DAPK2: variants seen among roughly 807,000 people sequenced by gnomAD.
DAPK2 encodes death associated protein kinase 2.
Under a neutral mutation model 44.1 loss-of-function variants are expected in DAPK2, and 35 were observed. The ratio of observed to expected loss-of-function variants is 0.79; its 90% confidence interval spans 0.61 to 1.05. The LOEUF is 1.05. Ranked by LOEUF, DAPK2 falls within the 50% of genes least tolerant of loss-of-function variation. The probability of loss-of-function intolerance (pLI) is 0.00; values close to 1 mark genes in which losing one functional copy is unlikely to be tolerated. For synonymous variants in DAPK2, 174 were observed against 182.6 expected, an observed-to-expected ratio of 0.95 and a Z score of 0.38; for missense variants, 453 against 483.2, an observed-to-expected ratio of 0.94 and a Z score of 0.59.
chr15:64,005,023 C>T (rs976527409), intron 1 of DAPK2, among the ~76,000 whole-genome samples: 6 of 152,212 alleles, frequency 3.9e-5, no homozygotes, highest in Admixed American at 6.5e-5. Context: ...TGAAAGGTGA[C>T]TAGCCGAGAG....
chr15:63,917,338 G>A lies in DAPK2; in HGVS notation c.859-5141C>T, dbSNP rs562665715. ...AGATCGCGCCATTGCACTCCAGCCT[G>A]GGCAACGAGAGTGAAACTCTGTCTC... On this transcript the variant is annotated intron_variant, in intron 8 of 10. Transcript: ENST00000261891. The surrounding 1 kb of genome is among the most constrained non-coding windows in gnomAD (Gnocchi z 4.4). 81 of 151,118 alleles carry A rather than the reference G, an allele frequency of 5.4e-4. No individual in the cohort carries two copies. The highest frequency in any genetic ancestry group is 1.9e-3 in the African/African-American group (79 of 41,196). The allele number at this position is 151,118 out of a possible 1,614,324, so 9.4% of individuals were successfully genotyped here. A position where few individuals can be genotyped will look rare whatever the true frequency, so the allele number is the denominator to read the frequency against.
At chr15:63,958,759 T>C (rs2140605623) in intron 3 of DAPK2, among the ~76,000 whole-genome samples, 1 of 152,308 alleles carries the variant, frequency 6.6e-6, no homozygotes, top group South Asian at 2.1e-4. Context: ...TACTGTAGCA[T>C]TGTAGTATAG....
intron 3 of DAPK2, among the ~76,000 whole-genome samples, chr15:63,959,998 T>G (rs2077842908): frequency 6.6e-6 from 1 of 152,208 alleles, no homozygotes; most frequent in African/African-American, 2.4e-5. Context: ...CATTTTTTGG[T>G]TGGTAGGCTA....
chr15:64,028,037 T>TCTATCTATCTATCTAC (rs2079901541), intron 1 of DAPK2, among the ~76,000 whole-genome samples: 1 of 82,528 alleles, frequency 1.2e-5, no homozygotes, highest in Non-Finnish European at 2.9e-5. Context: ...ACTGTATCTA[T>TCTATCTATCTATCTAC]CTATCTATCT....
chr15:63,996,928 C>G (rs2078966015), intron 1 of DAPK2, among the ~76,000 whole-genome samples: 2 of 152,192 alleles, frequency 1.3e-5, no homozygotes, highest in South Asian at 4.2e-4. Context: ...CATCCCCACC[C>G]TCAAAAGATT....
chr15:63,983,699 C>T, exon 2 of DAPK2: 1 of 1,613,622 alleles, frequency 6.2e-7, no homozygotes, highest in Non-Finnish European at 8.5e-7. Context: ...AACTTGGCTG[C>T]ATACTCAAGC....
chr15:63,998,992 C>T (rs2079018446), intron 1 of DAPK2, among the ~76,000 whole-genome samples: 1 of 152,202 alleles, frequency 6.6e-6, no homozygotes, highest in African/African-American at 2.4e-5. Flanking sequence ...TATTGACTCT[C>T]CTGTGCTCTT....
At chr15:63,970,830 A>G (rs937169749) in intron 3 of DAPK2, among the ~76,000 whole-genome samples, 1 of 152,190 alleles carries the variant, frequency 6.6e-6, no homozygotes, top group African/African-American at 2.4e-5. Context: ...ATGAAGTCCT[A>G]TGTGGTCACA....
intron 1 of DAPK2, among the ~76,000 whole-genome samples, chr15:64,018,925 AT>A (rs2079608363): frequency 6.6e-6 from 1 of 152,166 alleles, no homozygotes; most frequent in Non-Finnish European, 1.5e-5. Flanking sequence ...GCCTCTGAGG[AT>A]TTAGAGAAGT....
intron 4 of DAPK2, 28 bp from the exon 6 acceptor site, chr15:63,930,483 C>A: frequency 6.2e-7 from 1 of 1,610,670 alleles, no homozygotes; most frequent in South Asian, 1.1e-5. Flanking sequence ...AAATAGTCAA[C>A]ATGAGTGTGA....
intron 1 of DAPK2, among the ~76,000 whole-genome samples, chr15:63,989,722 C>T (rs181661867): frequency 4.5e-4 from 69 of 152,232 alleles, no homozygotes; most frequent in African/African-American, 1.5e-3. Flanking sequence ...TACATAGTCT[C>T]GCTCTGTTGC....
At chr15:63,930,354 C>T (rs893418748) in intron 5 of DAPK2, 53 bp downstream of exon 6, 1 of 1,556,234 alleles carries the variant, frequency 6.4e-7, no homozygotes, top group Admixed American at 1.7e-5. Flanking sequence ...GGATCTGAGG[C>T]CTTCCGCCCT....
intron 3 of DAPK2, among the ~76,000 whole-genome samples, chr15:63,951,336 T>C (rs558188193): frequency 3.3e-5 from 5 of 152,264 alleles, no homozygotes; most frequent in Admixed American, 6.5e-5. Flanking sequence ...TCCTGGGTGA[T>C]ACTGAGCCCT....
chr15:64,035,914 C>T (rs942830631), intron 1 of DAPK2, among the ~76,000 whole-genome samples: 2 of 152,146 alleles, frequency 1.3e-5, no homozygotes, highest in African/African-American at 2.4e-5. Context: ...CCATCCAAAG[C>T]TTTTCCTACA....
In DAPK2 at chr15:63,912,621, A is replaced by G. The variant is rs2078827682; in HGVS notation, c.859-424T>C. 6.6e-6 allele frequency among the ~76,000 whole-genome samples: 1 copy of G among 152,218 alleles called. No individual in the cohort carries two copies. The highest frequency in any genetic ancestry group is 2.4e-5 in the African/African-American group (1 of 41,466). On this transcript the variant is annotated intron_variant, in intron 8 of 10. Transcript: ENST00000261891. This position sits in a 1 kb window ranked among gnomAD's most constrained non-coding sequence, Gnocchi z 4.4. ...GAATTCATACTCCATTAAAAAATAA[A>G]TGGAAGGAAATAAGGGCTTTGATGA...
rs142629002 is a variant in DAPK2 at position 63,990,321 on chromosome 15, C to G, written c.93-6567G>C. On this transcript the variant is annotated intron_variant, in intron 1 of 10. Coordinates refer to ENST00000261891, the Ensembl canonical transcript of DAPK2. This position sits in a 1 kb window ranked among gnomAD's most constrained non-coding sequence, Gnocchi z 4.3. ...GTGCACACCTGTAGTCCCAACTACT[C>G]GAAGGGTGAAGCACAATAATTGTTT... Among the ~76,000 whole-genome samples, 25 of 152,044 alleles carry G rather than the reference C, an allele frequency of 1.6e-4. No individual in the cohort carries two copies. The East Asian group carries it at 4.6e-3, about 28-fold the overall frequency.
chr15:64,030,514 G>A (rs1331844894), intron 1 of DAPK2, among the ~76,000 whole-genome samples: 2 of 151,996 alleles, frequency 1.3e-5, no homozygotes, highest in East Asian at 1.9e-4. Context: ...CCCACCAAGG[G>A]AATTTGGTGG....
chr15:64,010,463 C>T (rs1485464637), intron 1 of DAPK2, among the ~76,000 whole-genome samples: 1 of 152,218 alleles, frequency 6.6e-6, no homozygotes, highest in Non-Finnish European at 1.5e-5. Context: ...AAGTTATCAG[C>T]ATAGGTATAG....
chr15:63,955,451 T>G (rs917987938), intron 3 of DAPK2, among the ~76,000 whole-genome samples: 1 of 152,224 alleles, frequency 6.6e-6, no homozygotes, highest in African/African-American at 2.4e-5. Context: ...TTTTCTTTGA[T>G]GTGTTTTTGT....
Sources: gnomAD v4.1 joint callset for allele counts (sites outside exome capture counted in the v4.1 genomes callset) on GRCh38, gnomAD v4.1.1 for gene constraint, Gnocchi (gnomAD v3.1) non-coding constraint, MANE v1.5 for transcripts, NCBI Gene and HGNC (gene_info 2026-07-23, HGNC 2026-07-21) for gene names.